Variants in GLG1 observed in about 807,000 individuals in gnomAD.
GLG1 encodes Golgi apparatus protein 1.
GLG1 carries 38 observed loss-of-function variants against 160.5 expected under a neutral mutation model. The observed-to-expected ratio is 0.24, with a 90% CI of 0.18 to 0.31. The LOEUF (loss-of-function observed/expected upper bound fraction) is 0.31, where lower values mean the gene tolerates loss of function less well. Among genes scored for constraint, GLG1 ranks in the 10% least tolerant of loss-of-function variants. The pLI, the probability that GLG1 is intolerant of heterozygous loss-of-function variation, is 1.00. For synonymous variants in GLG1, 644 were observed against 543.4 expected (o/e 1.19, Z -2.57); for missense variants, 1,373 against 1,505.2 (o/e 0.91, Z 1.45).
intron 1 of GLG1, among the ~76,000 whole-genome samples, chr16:74,542,971 A>C (rs2017944863): frequency 6.6e-6 from 1 of 152,122 alleles, no homozygotes; most frequent in South Asian, 2.1e-4. Flanking sequence ...GTAAGATTAC[A>C]TGATGCAAAA....
chr16:74,572,259 C>A (rs2018850173), intron 1 of GLG1, among the ~76,000 whole-genome samples: 1 of 151,994 alleles, frequency 6.6e-6, no homozygotes, highest in Non-Finnish European at 1.5e-5. Context: ...ACCTGTAATC[C>A]CAGCACTTGG....
intron 1 of GLG1, among the ~76,000 whole-genome samples, chr16:74,578,410 G>A (rs1250956130): frequency 6.6e-6 from 1 of 152,182 alleles, no homozygotes; most frequent in East Asian, 1.9e-4. Flanking sequence ...AGTAAACTCT[G>A]TCAAGTGTGT....
intron 1 of GLG1, among the ~76,000 whole-genome samples, chr16:74,591,167 C>T (rs12149960): frequency 6.6e-6 from 1 of 151,254 alleles, no homozygotes; most frequent in Non-Finnish European, 1.5e-5. Context: ...CCCGTCTCTA[C>T]TAAAAATACA....
rs745994442 is a variant in GLG1, at chr16:74,607,068, C to A, written c.27G>T (p.Arg9Ser). The A allele has an allele frequency of 4.4e-6, 7 of 1,578,418 alleles. No individual in the cohort carries two copies. The African/African-American group carries it at 9.4e-5, about 21-fold the overall frequency. The change falls in exon 1 of 26, where the codon AGG becomes AGT. Residue 9 changes from arginine to serine, a missense_variant. Physicochemically the swap from Arg to Ser is moderately radical, Grantham distance 110. Transcript: ENST00000422840. The part of the protein sequence containing the change: MAACGRVR[R>S]MFRLSAALHL... ...GCAGCGCCGCCGACAAGCGGAACATCCTCCGTACACGTCCACACGCCGCCA... is the reference window on the plus strand; with the variant it reads ...GCAGCGCCGCCGACAAGCGGAACATACTCCGTACACGTCCACACGCCGCCA...
intron 21 of GLG1, 68 bp from the exon 22 acceptor site, chr16:74,462,263 T>TG (rs2014830267): frequency 2.3e-6 from 2 of 857,244 alleles, no homozygotes; most frequent in Non-Finnish European, 3.7e-6. Context: ...AAGCAGGACA[T>TG]GAAAAAAAAA....
rs554485630 is a variant in GLG1, at chr16:74,489,670, C to T, written c.1449+1331G>A. Reference sequence around the variant, plus strand: ...GAAACAACACTGTGGCAAAATCAAACGGCAGATTCCAGAAGCCTTCCCTCC... The same window carrying T: ...GAAACAACACTGTGGCAAAATCAAATGGCAGATTCCAGAAGCCTTCCCTCC... On this transcript the variant is annotated intron_variant, in intron 8 of 25. Coordinates refer to ENST00000422840, the MANE Select transcript of GLG1 (RefSeq NM_001145667.2). 1.2e-4 allele frequency among the ~76,000 whole-genome samples: 19 copies of T among 152,286 alleles called. No homozygotes were observed. The South Asian group carries it at 1.9e-3, about 15-fold the overall frequency.
At chr16:74,499,911 G>C (rs2016345382) in intron 4 of GLG1, among the ~76,000 whole-genome samples, 1 of 152,198 alleles carries the variant, frequency 6.6e-6, no homozygotes. Context: ...GCTGAGGCAG[G>C]AGAATGGCAT....
At chr16:74,462,383 A>G in intron 21 of GLG1, 105 bp downstream of exon 21, 2 of 1,123,180 alleles carry the variant, frequency 1.8e-6, no homozygotes, top group Non-Finnish European at 2.6e-6. Context: ...AAGATATGAA[A>G]AAGGTCTTGG....
rs192646641 is a variant in GLG1 at position 74,488,855 on chromosome 16, G to C, written c.1449+2146C>G. On this transcript the variant is annotated intron_variant, in intron 8 of 25. Transcript: ENST00000422840. ...GCTGGTCATGAACTCCTGACCTCAA[G>C]TGATCTGCCTGCCTTGGCCTCCCAA... Among the ~76,000 whole-genome samples, 107 of 152,224 alleles carry C rather than the reference G, an allele frequency of 7.0e-4. 3 individuals carry two copies. In the East Asian group the frequency reaches 0.017, roughly 25 times the overall value.
Position 74,541,324 on chromosome 16 carries a change from C to CAAA in GLG1, c.439-9174_439-9172dup, listed in dbSNP as rs59761629. On this transcript the variant is annotated intron_variant, in intron 1 of 25. Transcript: ENST00000422840. Reference sequence around the variant, plus strand: ...AGGTAGCAGAGCAAGGCTCTGTCTCCAAAAAAAAAAAAAAAAAAAAGTCTA... The same window carrying CAAA: ...AGGTAGCAGAGCAAGGCTCTGTCTCCAAAAAAAAAAAAAAAAAAAAAAAGTCTA... Among the ~76,000 whole-genome samples the CAAA allele has an allele frequency of 1.2e-3, 88 of 71,904 alleles. 2 individuals are homozygous for CAAA. The South Asian group carries it at 0.04, about 32-fold the overall frequency. The allele number at this position is 71,904 out of a possible 152,430, so 47.2% of individuals were successfully genotyped here.
At chr16:74,593,392 T>C (rs1234421043) in intron 1 of GLG1, among the ~76,000 whole-genome samples, 1 of 152,102 alleles carries the variant, frequency 6.6e-6, no homozygotes, top group Non-Finnish European at 1.5e-5. Context: ...AGGGCAGTCT[T>C]TATAGTTTAC....
At chr16:74,599,370 T>C (rs1275627767) in intron 1 of GLG1, among the ~76,000 whole-genome samples, 1 of 152,180 alleles carries the variant, frequency 6.6e-6, no homozygotes, top group East Asian at 1.9e-4. Context: ...TGCACACGTT[T>C]TGTATTCCCA....
chr16:74,474,688 A>G (rs997515210), intron 12 of GLG1, 56 bp from the exon 13 acceptor site: 8 of 832,020 alleles, frequency 9.6e-6, no homozygotes, highest in Admixed American at 5.1e-5. Flanking sequence ...TGAACAAGGC[A>G]AGGGGAGATA....
At chr16:74,570,713 T>C (rs1035957620) in intron 1 of GLG1, among the ~76,000 whole-genome samples, 11 of 152,086 alleles carry the variant, frequency 7.2e-5, no homozygotes, top group Non-Finnish European at 8.8e-5. Context: ...TTGGTCAACA[T>C]AGTGGGACCC....
At chr16:74,549,880 A>T (rs1189393156) in intron 1 of GLG1, among the ~76,000 whole-genome samples, 1 of 152,038 alleles carries the variant, frequency 6.6e-6, no homozygotes, top group Non-Finnish European at 1.5e-5. Context: ...GTAGGAGGCT[A>T]AGGCAGGGGG....
chr16:74,456,083 T>TA (rs2014525965), intron 25 of GLG1, among the ~76,000 whole-genome samples: 1 of 152,162 alleles, frequency 6.6e-6, no homozygotes, highest in South Asian at 2.1e-4. Flanking sequence ...TGGCCTCAAA[T>TA]ATGTATTTTT....
intron 6 of GLG1, among the ~76,000 whole-genome samples, chr16:74,493,958 T>C (rs1418053325): frequency 2.0e-5 from 3 of 151,784 alleles, no homozygotes; most frequent in Non-Finnish European, 4.4e-5. Flanking sequence ...GTGGATCACC[T>C]GAGGTCAGGA....
chr16:74,482,807 G>T (rs1265080039), intron 10 of GLG1, among the ~76,000 whole-genome samples: 1 of 152,306 alleles, frequency 6.6e-6, no homozygotes, highest in Non-Finnish European at 1.5e-5. Context: ...TGGTGAACAA[G>T]GATGTGTGGT....
At chr16:74,510,264 C>G (rs895489050) in intron 2 of GLG1, among the ~76,000 whole-genome samples, 2 of 152,126 alleles carry the variant, frequency 1.3e-5, no homozygotes, top group Non-Finnish European at 2.9e-5. Context: ...CTCCTGCCCT[C>G]AGGTGATCCA....
Sources: allele counts gnomAD v4.1 joint callset (sites outside exome capture counted in the v4.1 genomes callset), GRCh38; gene constraint gnomAD v4.1.1; transcripts MANE v1.5; gene names NCBI Gene and HGNC (gene_info 2026-07-23, HGNC 2026-07-21).